Variants in MGLL observed in about 807,000 individuals in gnomAD.
MGLL encodes monoglyceride lipase.
Under a neutral mutation model 29.1 loss-of-function variants are expected in MGLL, and 7 were observed. The ratio of observed to expected loss-of-function variants is 0.24; its 90% confidence interval spans 0.14 to 0.45. The LOEUF (loss-of-function observed/expected upper bound fraction) is 0.45. MGLL is among the 20% of genes least tolerant of loss of function. The pLI, the probability that MGLL is intolerant of heterozygous loss-of-function variation, is 0.99. For synonymous variants in MGLL, 148 were observed against 168.3 expected (o/e 0.88, Z 0.93); for missense variants, 356 against 413.6 (o/e 0.86, Z 1.21).
intron 3 of MGLL, among the ~76,000 whole-genome samples, chr3:127,777,756 A>T (rs990728058): frequency 6.9e-6 from 1 of 143,980 alleles, no homozygotes; most frequent in South Asian, 2.3e-4. Flanking sequence ...CACATGCGCA[A>T]TGAGAATGGA....
chr3:127,816,379 CG>C, intron 2 of MGLL, among the ~76,000 whole-genome samples: 1 of 152,152 alleles, frequency 6.6e-6, no homozygotes, highest in African/African-American at 2.4e-5. Context: ...AACCTAAGGG[CG>C]GGGAAGGAAA....
rs2075219528 is a variant in MGLL, at chr3:127,690,297, G to A, written c.*1901C>T. On this transcript the variant is annotated 3_prime_UTR_variant, in exon 8 of 8. Coordinates refer to ENST00000265052, the MANE Select transcript of MGLL (RefSeq NM_007283.7). The stretch of plus-strand genomic sequence containing the variant: ...TTTTTCTCCTTCAAAGAGAAGCCAG[G>A]GAGACAAGCTGGAGCTACAGAAGGT... 1 of 152,240 alleles carries A rather than the reference G, an allele frequency of 6.6e-6. No individual in the cohort carries two copies. 9.4% of individuals were successfully genotyped at this position (152,240 alleles called of 1,614,324 possible). A position where few individuals can be genotyped will look rare whatever the true frequency, so the allele number is the denominator to read the frequency against.
At chr3:127,706,990 C>T (rs2075615547) in intron 6 of MGLL, among the ~76,000 whole-genome samples, 1 of 152,188 alleles carries the variant, frequency 6.6e-6, no homozygotes, top group Non-Finnish European at 1.5e-5. Context: ...GGAGCCAACT[C>T]CTCGACATTG....
At chr3:127,769,912 G>A (rs72626399) in intron 3 of MGLL, among the ~76,000 whole-genome samples, 19,044 of 152,152 alleles carry the variant, frequency 0.13, 1,238 homozygotes, top group Middle Eastern at 0.16. Context: ...AGTGACCGGC[G>A]CGCGCCATGG....
chr3:127,737,520 G>C (rs1310724306), intron 3 of MGLL, among the ~76,000 whole-genome samples: 1 of 151,150 alleles, frequency 6.6e-6, no homozygotes, highest in East Asian at 2.0e-4. Flanking sequence ...AATTGAGGCT[G>C]CAGACCAAAG....
chr3:127,778,381 A>T (rs997078498), intron 3 of MGLL, among the ~76,000 whole-genome samples: 6 of 152,252 alleles, frequency 3.9e-5, no homozygotes, highest in African/African-American at 1.4e-4. Flanking sequence ...GGTCTTGCTC[A>T]GAGCCCTGGG....
intron 3 of MGLL, among the ~76,000 whole-genome samples, chr3:127,725,321 A>G (rs1352182177): frequency 6.6e-6 from 1 of 152,096 alleles, no homozygotes; most frequent in African/African-American, 2.4e-5. Context: ...ATCATTTTTA[A>G]TTAAAAAATT....
rs117078062 is a variant in MGLL at position 127,820,135 on chromosome 3, G to A, written c.155+1559C>T. On this transcript the variant is annotated intron_variant, in intron 2 of 7. Coordinates refer to ENST00000265052, the MANE Select transcript of MGLL (RefSeq NM_007283.7). ...TAGGTTTCTTCCAAATTCTGGGGCCGAACTGCCTCAACCATCCACCTCTGT... is the reference window on the plus strand; with the variant it reads ...TAGGTTTCTTCCAAATTCTGGGGCCAAACTGCCTCAACCATCCACCTCTGT... Among the ~76,000 whole-genome samples, 334 of 152,210 alleles carry A rather than the reference G, an allele frequency of 2.2e-3. 5 individuals are homozygous for A. The highest frequency in any genetic ancestry group is 0.022 in the East Asian group (113 of 5,188).
At chr3:127,817,985 G>C (rs560045454) in intron 2 of MGLL, among the ~76,000 whole-genome samples, 51 of 152,308 alleles carry the variant, frequency 3.3e-4, no homozygotes, top group Admixed American at 3.0e-3. Context: ...TTTTGAGATG[G>C]AGTCTTGCTC....
chr3:127,722,370 T>G, intron 4 of MGLL, 60 bp downstream of exon 4: 1 of 1,608,704 alleles, frequency 6.2e-7, no homozygotes, highest in Non-Finnish European at 8.5e-7. Context: ...GCCACCCCCT[T>G]CCCCCTGCAA....
At chr3:127,795,667 T>A (rs997577787) in intron 2 of MGLL, among the ~76,000 whole-genome samples, 4 of 151,972 alleles carry the variant, frequency 2.6e-5, no homozygotes, top group Non-Finnish European at 2.9e-5. Context: ...AAAAATTACA[T>A]TGAGGAGGAG....
chr3:127,747,159 G>C (rs1012279944), intron 3 of MGLL, among the ~76,000 whole-genome samples: 1 of 152,184 alleles, frequency 6.6e-6, no homozygotes, highest in South Asian at 2.1e-4. Context: ...TTGATGGGCT[G>C]TTGGGAACAT....
intron 3 of MGLL, among the ~76,000 whole-genome samples, chr3:127,723,700 T>C (rs997219143): frequency 6.6e-6 from 1 of 152,232 alleles, no homozygotes; most frequent in African/African-American, 2.4e-5. Flanking sequence ...ATCCGTAACA[T>C]AAATCGTACT....
Position 127,691,541 on chromosome 3 carries a change from A to G in MGLL, c.*657T>C, listed in dbSNP as rs374440710. 6.5e-6 allele frequency: 1 copy of G among 152,776 alleles called. No individual in the cohort carries two copies. The highest frequency in any genetic ancestry group is 2.1e-4 in the South Asian group (1 of 4,848). 9.5% of individuals were successfully genotyped at this position (152,776 alleles called of 1,614,324 possible). A position where few individuals can be genotyped will look rare whatever the true frequency, so the allele number is the denominator to read the frequency against. The stretch of plus-strand genomic sequence containing the variant: ...AGGGGAAGGGCAGGGGACAGAGAAG[A>G]GCCTTGGTTTCCTGCTCAGTTCTCC... On this transcript the variant is annotated 3_prime_UTR_variant, in exon 8 of 8. Coordinates refer to ENST00000265052, the MANE Select transcript of MGLL (RefSeq NM_007283.7).
At chr3:127,713,394 G>C (rs1028304618) in intron 5 of MGLL, 1 of 116,012 alleles carries the variant, frequency 8.6e-6, no homozygotes, top group Non-Finnish European at 1.9e-5. Flanking sequence ...TCTGTGTAAC[G>C]GGATGGTGTG....
At position 127,710,606 on chromosome 3, in the gene MGLL, G is replaced by T. The variant is rs1159423969; in HGVS notation, c.570C>A (p.Asp190Glu). 1.1e-5 allele frequency: 18 copies of T among 1,570,824 alleles called. No individual in the cohort carries two copies. Among genetic ancestry groups the T allele is most frequent in the Middle Eastern group, 1.7e-4 (1 of 6,032 alleles). Residue 190 changes from aspartate to glutamate, a missense_variant, in exon 6 of 8, where the codon GAC becomes GAA. Asp to Glu is a conservative substitution (Grantham distance 45, BLOSUM62 2). Transcript: ENST00000265052. ...VLPNLSLGPIDSSVLSRNKTE... is the reference protein window; with the variant it reads ...VLPNLSLGPIESSVLSRNKTE... Reference sequence around the variant, plus strand: ...TCTTATTCCGAGAGAGCACGCTGGAGTCGATGGGCCCGAGGGACAAGTTTG... The same window carrying T: ...TCTTATTCCGAGAGAGCACGCTGGATTCGATGGGCCCGAGGGACAAGTTTG...
At chr3:127,785,408 T>A (rs2077195889) in intron 2 of MGLL, among the ~76,000 whole-genome samples, 1 of 152,262 alleles carries the variant, frequency 6.6e-6, no homozygotes, top group African/African-American at 2.4e-5. Context: ...AAGGTCACAT[T>A]CACCACTGGA....
intron 2 of MGLL, among the ~76,000 whole-genome samples, chr3:127,792,782 A>G (rs145891512): frequency 0.012 from 1,816 of 152,236 alleles, 44 homozygotes; most frequent in South Asian, 0.1. Flanking sequence ...TCACTTCTCT[A>G]GGCTGCCTCT....
chr3:127,695,249 G>GCCTA (rs2075336050), intron 6 of MGLL, 59 bp from the exon 7 acceptor site: 1 of 1,525,176 alleles, frequency 6.6e-7, no homozygotes, highest in African/African-American at 1.4e-5. Flanking sequence ...CATAAGCCAG[G>GCCTA]CCTATTTCCT....
Sources: gnomAD v4.1 joint callset for allele counts (sites outside exome capture counted in the v4.1 genomes callset) on GRCh38, gnomAD v4.1.1 for gene constraint, MANE v1.5 for transcripts, NCBI Gene and HGNC (gene_info 2026-07-23, HGNC 2026-07-21) for gene names.